The following NR1I2 variants were observed in gnomAD, a reference collection of about 807,000 sequenced individuals.
NR1I2 encodes orphan nuclear receptor PAR1.
NR1I2 carries 42 observed loss-of-function variants against 43.3 expected under a neutral mutation model. The ratio of observed to expected loss-of-function variants is 0.97; its 90% CI spans 0.76 to 1.26. NR1I2 has a LOEUF of 1.26. NR1I2 is among the 50% of genes most tolerant of loss of function. NR1I2 has a pLI of 0.00. For missense variants in NR1I2, 559 were observed against 566.7 expected (o/e 0.99, Z 0.14); for synonymous variants, 229 against 215.0 (o/e 1.06, Z -0.57).
At position 119,810,065 on chromosome 3, in the gene NR1I2, G is replaced by A. The variant is rs1559789550; in HGVS notation, c.202G>A (p.Ala68Thr). The A allele has an allele frequency of 6.2e-7, 1 of 1,613,892 alleles. No individual in the cohort carries two copies. Among genetic ancestry groups the A allele is most frequent in the South Asian group, 1.1e-5 (1 of 91,092 alleles). Residue 68 changes from alanine to threonine, a missense_variant, in exon 3 of 9, where the codon GCC becomes ACC. Physicochemically the swap from Ala to Thr is moderately conservative, Grantham distance 58. Around this residue, in one of 3 missense-constraint regions of NR1I2, gnomAD observed 232 missense variants for 236.6 expected, o/e 0.98. Coordinates refer to ENST00000393716, the MANE Select transcript of NR1I2 (RefSeq NM_003889.4). ...CTGCTCCCCATTCTCTCACAGGAGG[G>A]CCATGAAACGCAACGCCCGGCTGAG...
intron 1 of NR1I2, chr3:119,792,556 G>A: frequency 1.1e-6 from 1 of 928,842 alleles, no homozygotes; most frequent in East Asian, 2.7e-5. Context: ...CCCAGTGAGG[G>A]CCCACCCTGC....
intron 1 of NR1I2, among the ~76,000 whole-genome samples, chr3:119,796,369 T>G (rs905673011): frequency 1.3e-5 from 2 of 152,232 alleles, no homozygotes; most frequent in Non-Finnish European, 1.5e-5. Flanking sequence ...AGTCCCATTG[T>G]TGAGCCTCCT....
chr3:119,811,248 C>A (rs774019617), intron 3 of NR1I2: 2 of 326,242 alleles, frequency 6.1e-6, no homozygotes, highest in South Asian at 7.1e-5. Context: ...GCAAACCCAG[C>A]GCCTTTGGAT....
chr3:119,807,172 A>T (rs1288484011), intron 1 of NR1I2, 57 bp from the exon 2 acceptor site: 5 of 1,443,394 alleles, frequency 3.5e-6, no homozygotes, highest in Admixed American at 1.8e-5. Flanking sequence ...GTTTCCTCTG[A>T]GGCCTCTACA....
chr3:119,816,584 G>C (rs1413045723), intron 8 of NR1I2, among the ~76,000 whole-genome samples: 1 of 152,160 alleles, frequency 6.6e-6, no homozygotes, highest in Non-Finnish European at 1.5e-5. Context: ...ACTTTGAGAG[G>C]TCAAGACAGG....
At chr3:119,805,883 A>C (rs2055152597) in intron 1 of NR1I2, among the ~76,000 whole-genome samples, 1 of 152,160 alleles carries the variant, frequency 6.6e-6, no homozygotes, top group South Asian at 2.1e-4. Flanking sequence ...AGTCAGGATT[A>C]TGATTTGAAA....
In NR1I2 at chr3:119,817,136, GGCT is replaced by G; in HGVS notation, c.1235_1237del (p.Leu412del). On this transcript the variant is annotated inframe_deletion, in exon 9 of 9. Coordinates refer to ENST00000393716, the MANE Select transcript of NR1I2 (RefSeq NM_003889.4). ...AGCATCAATGCTCAGCACACCCAGC[GGCT>G]GCTGCGCATCCAGGACATACACCCC... 1 of 1,614,148 alleles carries G rather than the reference GGCT, an allele frequency of 6.2e-7. No individual in the cohort carries two copies. The highest frequency in any genetic ancestry group is 8.5e-7 in the Non-Finnish European group (1 of 1,180,020).
chr3:119,794,169 C>T (rs2107953512), intron 1 of NR1I2, among the ~76,000 whole-genome samples: 1 of 151,970 alleles, frequency 6.6e-6, no homozygotes, highest in South Asian at 2.1e-4. Flanking sequence ...ACCAACATGC[C>T]TGGCTGAGTT....
chr3:119,803,917 T>C (rs13066380), intron 1 of NR1I2, among the ~76,000 whole-genome samples: 125,678 of 151,944 alleles, frequency 0.83, 53,703 homozygotes, highest in East Asian at 1. Context: ...GCCACCACAC[T>C]CAGCTAATTT....
intron 1 of NR1I2, among the ~76,000 whole-genome samples, chr3:119,793,982 T>C (rs563298875): frequency 6.6e-6 from 1 of 152,362 alleles, no homozygotes; most frequent in East Asian, 1.9e-4. Context: ...TTCTCTTCGG[T>C]ACATAATTTT....
At chr3:119,803,073 C>T (rs1021103929) in intron 1 of NR1I2, 2 of 413,744 alleles carry the variant, frequency 4.8e-6, no homozygotes, top group African/African-American at 2.0e-5. Flanking sequence ...TGGCTCATGC[C>T]TGTAATCCCA....
intron 1 of NR1I2, among the ~76,000 whole-genome samples, chr3:119,797,331 A>G (rs1455058575): frequency 6.6e-6 from 1 of 152,144 alleles, no homozygotes; most frequent in African/African-American, 2.4e-5. Flanking sequence ...ATGAGGAAGC[A>G]GCAGGAACAA....
At position 119,818,249 on chromosome 3, in the gene NR1I2, C is replaced by T. The variant is rs1330753388; in HGVS notation, c.*1037C>T. 1.6e-5 allele frequency: 16 copies of T among 985,374 alleles called. No homozygotes were observed. Among genetic ancestry groups the T allele is most frequent in the African/African-American group, 3.5e-5 (2 of 57,182 alleles). 61.0% of individuals were successfully genotyped at this position (985,374 alleles called of 1,614,324 possible). A position where few individuals can be genotyped will look rare whatever the true frequency, so the allele number is the denominator to read the frequency against. The stretch of plus-strand genomic sequence containing the variant: ...TACGCTGACAATCAGTTAAACACAC[C>T]GGAGAAGAACCATTTACATGCACCT... On this transcript the variant is annotated 3_prime_UTR_variant, in exon 9 of 9. Transcript: ENST00000393716.
At chr3:119,793,734 G>C (rs1474318130) in intron 1 of NR1I2, among the ~76,000 whole-genome samples, 2 of 152,152 alleles carry the variant, frequency 1.3e-5, no homozygotes, top group African/African-American at 2.4e-5. Context: ...CATCTGCAGA[G>C]ACCCTTTTGC....
intron 5 of NR1I2, among the ~76,000 whole-genome samples, chr3:119,814,601 G>C (rs542334930): frequency 4.6e-5 from 7 of 152,190 alleles, no homozygotes; most frequent in African/African-American, 1.7e-4. Context: ...TACTAAAGGG[G>C]AAGTCATTCC....
Position 119,817,860 on chromosome 3 carries a change from T to C in NR1I2, c.*648T>C. 2.0e-6 allele frequency: 2 copies of C among 992,404 alleles called. No homozygotes were observed. The highest frequency in any genetic ancestry group is 2.4e-6 in the Non-Finnish European group (2 of 833,584). 61.5% of individuals were successfully genotyped at this position (992,404 alleles called of 1,614,324 possible). A position where few individuals can be genotyped will look rare whatever the true frequency, so the allele number is the denominator to read the frequency against. On this transcript the variant is annotated 3_prime_UTR_variant, in exon 9 of 9. Coordinates refer to ENST00000393716, the MANE Select transcript of NR1I2 (RefSeq NM_003889.4). Reference sequence around the variant, plus strand: ...GTGTCTCTGCATCCATTTGAACACATTATTAAGCACCGATAATAGGTAGCC... The same window carrying C: ...GTGTCTCTGCATCCATTTGAACACACTATTAAGCACCGATAATAGGTAGCC...
At chr3:119,803,606 A>C (rs558497174) in intron 1 of NR1I2, among the ~76,000 whole-genome samples, 263 of 152,300 alleles carry the variant, frequency 1.7e-3, no homozygotes, top group African/African-American at 6.2e-3. Flanking sequence ...GCACTAAGAC[A>C]ATGAGTGACC....
chr3:119,792,130 C>T (rs2054928438), intron 1 of NR1I2: 3 of 804,048 alleles, frequency 3.7e-6, no homozygotes, highest in Middle Eastern at 2.2e-4. Context: ...AGCCAGCTTC[C>T]TCGCATCTTC....
In NR1I2 at chr3:119,817,663, TC is replaced by T; in HGVS notation, c.*454del. 8.9e-7 allele frequency: 1 copy of T among 1,118,278 alleles called. No homozygotes were observed. Among genetic ancestry groups the T allele is most frequent in the Non-Finnish European group, 1.1e-6 (1 of 905,996 alleles). 69.3% of individuals were successfully genotyped at this position (1,118,278 alleles called of 1,614,324 possible). A position where few individuals can be genotyped will look rare whatever the true frequency, so the allele number is the denominator to read the frequency against. ...CATTGCTACCTCTAATAGTCCTGTC[TC>T]CCACTTCCCACTCGTTCCCCTCCTC... On this transcript the variant is annotated 3_prime_UTR_variant, in exon 9 of 9. Transcript: ENST00000393716.
Sources: gnomAD v4.1 joint callset for allele counts (sites outside exome capture counted in the v4.1 genomes callset) on GRCh38, gnomAD v4.1.1 for gene constraint, gnomAD v4.1.1 regional missense constraint, MANE v1.5 for transcripts, NCBI Gene and HGNC (gene_info 2026-07-23, HGNC 2026-07-21) for gene names.